RAG1: variants seen among roughly 807,000 people sequenced by gnomAD.
RAG1 encodes the protein V(D)J recombination-activating protein 1.
Under a neutral mutation model 62.7 loss-of-function variants are expected in RAG1, and 35 were observed. The observed-to-expected ratio is 0.56, with a 90% CI of 0.43 to 0.74. The LOEUF (loss-of-function observed/expected upper bound fraction) is 0.74, where lower values mean the gene tolerates loss of function less well. RAG1 is among the 30% of genes least tolerant of loss of function. RAG1 has a pLI of 0.00. For synonymous variants in RAG1, 461 were observed against 470.3 expected (o/e 0.98, Z 0.26); for missense variants, 1,169 against 1,278.6 (o/e 0.91, Z 1.31).
At chr11:36,519,325 A>T (rs1393897983) in intron 1 of RAG1, among the ~76,000 whole-genome samples, 1 of 152,226 alleles carries the variant, frequency 6.6e-6, no homozygotes, top group African/African-American at 2.4e-5. Context: ...CCGGAGAGGA[A>T]ATAAAATATT....
chr11:36,513,045 T>A (rs1256650051), intron 1 of RAG1, among the ~76,000 whole-genome samples: 1 of 152,208 alleles, frequency 6.6e-6, no homozygotes, highest in Non-Finnish European at 1.5e-5. Flanking sequence ...GCCATTATCA[T>A]GCGAGTGAAT....
intron 3 of RAG1, among the ~76,000 whole-genome samples, chr11:36,559,137 T>A (rs1850546538): frequency 6.6e-6 from 1 of 152,206 alleles, no homozygotes; most frequent in Admixed American, 6.5e-5. Flanking sequence ...ACAGTTTTTT[T>A]TATTTTCTTT....
chr11:36,545,381 A>G (rs1325910569), intron 3 of RAG1, among the ~76,000 whole-genome samples: 1 of 152,202 alleles, frequency 6.6e-6, no homozygotes, highest in African/African-American at 2.4e-5. Flanking sequence ...CTGGTGTCAC[A>G]TTTGTAAGAA....
chr11:36,531,407 T>C (rs901718227), intron 2 of RAG1, among the ~76,000 whole-genome samples: 3 of 151,956 alleles, frequency 2.0e-5, no homozygotes, highest in Non-Finnish European at 4.4e-5. Flanking sequence ...CTGTTTTCTT[T>C]TTTCTGTGAA....
intron 1 of RAG1, among the ~76,000 whole-genome samples, chr11:36,516,467 G>A (rs991340426): frequency 6.6e-6 from 1 of 152,180 alleles, no homozygotes; most frequent in East Asian, 1.9e-4. Flanking sequence ...GACTACAGGC[G>A]CCCGCCACCA....
chr11:36,573,929 C>G lies in RAG1; in HGVS notation c.625C>G (p.Pro209Ala). ...GACCATGGAGTGGCACCCCCACACA[C>G]CATCCTGTGACATCTGCAACACTGC... is the stretch of plus-strand genomic sequence containing the variant. Reference protein sequence around the residue: ...NVTMEWHPHTPSCDICNTARR... With the variant: ...NVTMEWHPHTASCDICNTARR... The change falls in exon 2 of 2, where the codon CCA (proline) becomes GCA (alanine). Residue 209 changes from proline (P) to alanine (A), a missense_variant. Physicochemically the swap from Pro to Ala is conservative, Grantham distance 27. Around this residue, in one of 2 missense-constraint regions of RAG1, gnomAD observed 369 missense variants for 335.3 expected, o/e 1.10. Transcript: ENST00000299440. 1.2e-6 allele frequency: 2 copies of G among 1,614,144 alleles called. No homozygotes were observed. The highest frequency in any genetic ancestry group is 2.2e-5 in the South Asian group (2 of 91,086).
At chr11:36,542,531 C>T (rs1340643557) in intron 3 of RAG1, among the ~76,000 whole-genome samples, 1 of 152,170 alleles carries the variant, frequency 6.6e-6, no homozygotes, top group Non-Finnish European at 1.5e-5. Flanking sequence ...AGAGGGGCTG[C>T]CCCAGAAGTA....
At chr11:36,538,256 G>A (rs1358374044), downstream of RAG1, among the ~76,000 whole-genome samples, 1 of 152,130 alleles carries the variant, frequency 6.6e-6, no homozygotes. Context: ...AGCTAGTAGT[G>A]TTAAAGAACA....
rs1263236629 is a variant in RAG1 at position 36,576,682 on chromosome 11, G to A, written c.*246G>A. On this transcript the variant is annotated 3_prime_UTR_variant, in exon 2 of 2. Coordinates refer to ENST00000299440, the MANE Select transcript of RAG1 (RefSeq NM_000448.3). ...AGTTATCTGAAAGCTCAGTAACTCA[G>A]AACAGGAGTAACTGCAGGGGACCAG... 1 of 537,494 alleles carries A rather than the reference G, an allele frequency of 1.9e-6. No homozygotes were observed. Among genetic ancestry groups the A allele is most frequent in the Non-Finnish European group, 3.5e-6 (1 of 289,704 alleles). 33.3% of individuals were successfully genotyped at this position (537,494 alleles called of 1,614,324 possible).
At chr11:36,542,263 T>C (rs941188479) in intron 3 of RAG1, among the ~76,000 whole-genome samples, 3 of 152,244 alleles carry the variant, frequency 2.0e-5, no homozygotes, top group East Asian at 1.9e-4. Flanking sequence ...CTGAACAAAG[T>C]GAGTCTCTTT....
At position 36,532,345 on chromosome 11, in the gene RAG1, T is replaced by A. The variant is rs147039666; in HGVS notation, n.429-3614T>A. On this transcript the variant is annotated intron_variant and non_coding_transcript_variant, in intron 2 of 2. Coordinates refer to the RAG1 transcript ENST00000529126. ...TGGGAAGTATTATATGTGTTAATTT[T>A]ATGTTGATCATTTTTAAATATCTAT... Among the ~76,000 whole-genome samples, 289 of 152,260 alleles carry A rather than the reference T, an allele frequency of 1.9e-3. 2 individuals are homozygous for A. Among genetic ancestry groups the A allele is most frequent in the African/African-American group, 6.2e-3 (258 of 41,576 alleles).
chr11:36,560,795 G>T (rs913255546), intron 3 of RAG1, among the ~76,000 whole-genome samples: 1 of 152,118 alleles, frequency 6.6e-6, no homozygotes, highest in Non-Finnish European at 1.5e-5. Flanking sequence ...CCCCACTATA[G>T]GGAATCCCTC....
At chr11:36,560,186 T>C (rs1361367021) in intron 3 of RAG1, among the ~76,000 whole-genome samples, 1 of 152,144 alleles carries the variant, frequency 6.6e-6, no homozygotes, top group Non-Finnish European at 1.5e-5. Context: ...TGGGGAATGA[T>C]AGGTGGACTG....
rs147203889 is a variant in RAG1 at position 36,574,043 on chromosome 11, C to G, written c.739C>G (p.Arg247Gly). Residue 247 changes from arginine (R) to glycine (G), a missense_variant, in exon 2 of 2, where the codon CGT (arginine) becomes GGT (glycine). Arg to Gly is a moderately radical substitution (Grantham distance 125). Transcript: ENST00000299440. ...KTVLDQARQARQHKRRAQARI... is the reference protein window; with the variant it reads ...KTVLDQARQAGQHKRRAQARI... ...TGTGCTTGACCAAGCAAGACAAGCC[C>G]GTCAGCACAAGAGAAGAGCTCAGGC... 43 of 1,613,948 alleles carry G rather than the reference C, an allele frequency of 2.7e-5. No homozygotes were observed. Among genetic ancestry groups the G allele is most frequent in the Non-Finnish European group, 3.4e-5 (40 of 1,180,016 alleles).
chr11:36,577,138 T>C lies in RAG1; in HGVS notation c.*702T>C, dbSNP rs1442683496. On this transcript the variant is annotated 3_prime_UTR_variant, in exon 2 of 2. Coordinates refer to ENST00000299440, the MANE Select transcript of RAG1 (RefSeq NM_000448.3). ...TTAGGAGGTCATCTGCTGTCATGGA[T>C]TTTTCAATAATGAATTTAGAATACA... is the stretch of plus-strand genomic sequence containing the variant. 1 of 166,994 alleles carries C rather than the reference T, an allele frequency of 6.0e-6. No individual in the cohort carries two copies. Among genetic ancestry groups the C allele is most frequent in the Non-Finnish European group, 1.5e-5 (1 of 68,146 alleles). The allele number at this position is 166,994 out of a possible 1,614,324, so 10.3% of individuals were successfully genotyped here.
At chr11:36,557,699 A>G (rs928928499) in intron 3 of RAG1, among the ~76,000 whole-genome samples, 1 of 152,212 alleles carries the variant, frequency 6.6e-6, no homozygotes, top group Non-Finnish European at 1.5e-5. Flanking sequence ...GTGGTTAGAA[A>G]TTCAACATAT....
chr11:36,573,953 G>C lies in RAG1; in HGVS notation c.649G>C (p.Ala217Pro). 1.2e-6 allele frequency: 2 copies of C among 1,614,126 alleles called. No individual in the cohort carries two copies. Among genetic ancestry groups the C allele is most frequent in the Non-Finnish European group, 1.7e-6 (2 of 1,180,036 alleles). ...ACCATCCTGTGACATCTGCAACACT[G>C]CCCGTCGGGGACTCAAGAGGAAGAG... ...HTPSCDICNT[A>P]RRGLKRKSLQ... Residue 217 changes from alanine to proline, a missense_variant, in exon 2 of 2, where the codon GCC becomes CCC. By Grantham distance (27) the Ala-to-Pro change is conservative. Coordinates refer to ENST00000299440, the MANE Select transcript of RAG1 (RefSeq NM_000448.3).
chr11:36,511,238 G>A (rs180970226), intron 1 of RAG1, among the ~76,000 whole-genome samples: 1 of 152,316 alleles, frequency 6.6e-6, no homozygotes, highest in Admixed American at 6.5e-5. Flanking sequence ...AGGATCACTT[G>A]AGGCCAGGAA....
intron 1 of RAG1, among the ~76,000 whole-genome samples, chr11:36,512,877 C>A (rs5030403): frequency 0.11 from 17,238 of 152,148 alleles, 1,058 homozygotes; most frequent in South Asian, 0.15. Context: ...GTAAATCAAA[C>A]ATGAATAAAG....
Sources: gnomAD v4.1 joint callset for allele counts (sites outside exome capture counted in the v4.1 genomes callset) on GRCh38, gnomAD v4.1.1 for gene constraint, gnomAD v4.1.1 regional missense constraint, MANE v1.5 for transcripts, NCBI Gene and HGNC (gene_info 2026-07-23, HGNC 2026-07-21) for gene names.